The following INPP5A variants were observed in gnomAD, a reference collection of about 807,000 sequenced individuals.
INPP5A encodes the protein 43 kDa inositol polyphosphate 5-phophatase.
A neutral mutation model predicts 65.2 loss-of-function variants in INPP5A; 14 were observed. The observed-to-expected ratio is 0.21, with a 90% CI of 0.14 to 0.34. INPP5A has a LOEUF of 0.34. Among genes scored for constraint, INPP5A ranks in the 10% least tolerant of loss-of-function variants. INPP5A has a pLI of 1.00. For synonymous variants in INPP5A, 207 were observed against 208.3 expected (o/e 0.99, Z 0.05); for missense variants, 431 against 545.6 (o/e 0.79, Z 2.09).
chr10:132,571,851 G>A (rs1263828186), intron 1 of INPP5A, among the ~76,000 whole-genome samples: 1 of 152,204 alleles, frequency 6.6e-6, no homozygotes, highest in Non-Finnish European at 1.5e-5. Context: ...GCAGGTGGAG[G>A]GGGCAGGGTG....
chr10:132,760,663 C>T (rs754047983), intron 11 of INPP5A, among the ~76,000 whole-genome samples: 10 of 152,250 alleles, frequency 6.6e-5, no homozygotes, highest in Non-Finnish European at 1.5e-4. Flanking sequence ...GTGCCCATCT[C>T]TGGTACGGGG....
chr10:132,563,677 A>AGAAAG (rs1030246109), intron 1 of INPP5A, among the ~76,000 whole-genome samples: 1 of 152,068 alleles, frequency 6.6e-6, no homozygotes, highest in African/African-American at 2.4e-5. Flanking sequence ...AAGGAAAGAG[A>AGAAAG]GAAAGGAAAG....
chr10:132,667,335 T>G (rs954811786), intron 4 of INPP5A, among the ~76,000 whole-genome samples: 1 of 152,248 alleles, frequency 6.6e-6, no homozygotes, highest in Non-Finnish European at 1.5e-5. Context: ...GCCATTACTG[T>G]TGAAGCTCGT....
intron 7 of INPP5A, 56 bp from the exon 8 acceptor site, chr10:132,710,281 G>T: frequency 1.3e-6 from 2 of 1,590,160 alleles, no homozygotes; most frequent in South Asian, 2.3e-5. Flanking sequence ...GGAGAACGAA[G>T]TGTGACCCGG....
At chr10:132,684,483 T>A (rs1264582165) in intron 4 of INPP5A, among the ~76,000 whole-genome samples, 2 of 152,212 alleles carry the variant, frequency 1.3e-5, no homozygotes, top group African/African-American at 4.8e-5. Context: ...GATGTGTACA[T>A]ATGTGTGTGT....
rs1467997730 is a variant in INPP5A, at chr10:132,674,343, G to A, written c.307-16049G>A. 1.3e-5 allele frequency among the ~76,000 whole-genome samples: 2 copies of A among 152,228 alleles called. No individual in the cohort carries two copies. The highest frequency in any genetic ancestry group is 2.4e-5 in the African/African-American group (1 of 41,460). ...TTCCAAGCAGAGTGCACAAGCGGGTGCACTGCTTGAAGTTCTGCCCACTGG... is the reference window on the plus strand; with the variant it reads ...TTCCAAGCAGAGTGCACAAGCGGGTACACTGCTTGAAGTTCTGCCCACTGG... On this transcript the variant is annotated intron_variant, in intron 4 of 15. Coordinates refer to ENST00000368594, the MANE Select transcript of INPP5A (RefSeq NM_005539.5). This position sits in a 1 kb window ranked among gnomAD's most constrained non-coding sequence, Gnocchi z 4.4.
chr10:132,597,457 A>G (rs1490508087), intron 1 of INPP5A, among the ~76,000 whole-genome samples: 1 of 152,226 alleles, frequency 6.6e-6, no homozygotes, highest in Non-Finnish European at 1.5e-5. Context: ...GCTTACATTC[A>G]GTGGGATAAA....
chr10:132,745,930 G>T (rs556733704), intron 9 of INPP5A, among the ~76,000 whole-genome samples: 21 of 152,150 alleles, frequency 1.4e-4, no homozygotes, highest in Non-Finnish European at 2.8e-4. Flanking sequence ...AGGCGGGTGC[G>T]TGAGAGCTCC....
At chr10:132,778,151 G>A (rs1319920423) in intron 13 of INPP5A, among the ~76,000 whole-genome samples, 8 of 152,186 alleles carry the variant, frequency 5.3e-5, no homozygotes, top group Non-Finnish European at 1.5e-5. Flanking sequence ...GTGAAGCGCA[G>A]TAGAAATGTC....
intron 5 of INPP5A, among the ~76,000 whole-genome samples, chr10:132,694,723 G>A (rs1448675367): frequency 5.3e-5 from 8 of 152,116 alleles, no homozygotes; most frequent in Non-Finnish European, 1.0e-4. Context: ...CATTACTGCC[G>A]ATCCTGTGGA....
chr10:132,764,751 C>T (rs1298835386), intron 11 of INPP5A, among the ~76,000 whole-genome samples: 1 of 131,576 alleles, frequency 7.6e-6, no homozygotes, highest in East Asian at 2.3e-4. Flanking sequence ...CGGGCCAGTC[C>T]TGCTGCGGTG....
intron 1 of INPP5A, among the ~76,000 whole-genome samples, chr10:132,558,868 G>A (rs951471912): frequency 8.5e-5 from 13 of 152,226 alleles, no homozygotes; most frequent in East Asian, 1.9e-4. Context: ...GCAGCTGTGC[G>A]CTGCAGCCTC....
At chr10:132,540,126 C>T (rs1043080040) in intron 1 of INPP5A, among the ~76,000 whole-genome samples, 2 of 152,322 alleles carry the variant, frequency 1.3e-5, no homozygotes, top group Admixed American at 1.3e-4. Context: ...TTAGCTGCGG[C>T]TTCAAAGCCT....
At chr10:132,691,051 G>A (rs1021001481) in intron 5 of INPP5A, among the ~76,000 whole-genome samples, 16 of 152,178 alleles carry the variant, frequency 1.1e-4, no homozygotes, top group Admixed American at 9.8e-4. Context: ...AACCCCACGC[G>A]GCCTCCGGAG....
At position 132,663,674 on chromosome 10, in the gene INPP5A, C is replaced by T. The variant is rs1564954768; in HGVS notation, c.306+13169C>T. On this transcript the variant is annotated intron_variant, in intron 4 of 15. Coordinates refer to ENST00000368594, the MANE Select transcript of INPP5A (RefSeq NM_005539.5). The surrounding 1 kb of genome is among the most constrained non-coding windows in gnomAD (Gnocchi z 4.5). Reference sequence around the variant, plus strand: ...CTAGCTTCTGGCTGGGGTTGGTTTGCAGTGGAGTCTGTGCCTGTGGCAGCC... The same window carrying T: ...CTAGCTTCTGGCTGGGGTTGGTTTGTAGTGGAGTCTGTGCCTGTGGCAGCC... Among the ~76,000 whole-genome samples the T allele has an allele frequency of 6.6e-6, 1 of 152,234 alleles. No homozygotes were observed. Among genetic ancestry groups the T allele is most frequent in the Non-Finnish European group, 1.5e-5 (1 of 68,054 alleles).
At chr10:132,718,186 G>A (rs555721626) in intron 8 of INPP5A, among the ~76,000 whole-genome samples, 45 of 137,576 alleles carry the variant, frequency 3.3e-4, no homozygotes, top group South Asian at 7.5e-4. Flanking sequence ...CTGTCTGGGC[G>A]CCTTAGACGG....
intron 4 of INPP5A, among the ~76,000 whole-genome samples, chr10:132,683,200 TATC>T (rs1218760645): frequency 3.3e-5 from 5 of 149,360 alleles, no homozygotes; most frequent in Admixed American, 2.7e-4. Context: ...GTACACGTAT[TATC>T]CTATGTGGAG....
chr10:132,671,651 G>C (rs1399510138), intron 4 of INPP5A, among the ~76,000 whole-genome samples: 1 of 152,236 alleles, frequency 6.6e-6, no homozygotes, highest in East Asian at 1.9e-4. Context: ...ACAGGAAGCA[G>C]CACCAACACC....
intron 5 of INPP5A, among the ~76,000 whole-genome samples, chr10:132,692,088 G>A (rs1845278172): frequency 6.6e-6 from 1 of 152,146 alleles, no homozygotes; most frequent in Non-Finnish European, 1.5e-5. Flanking sequence ...GTCAGGCTCG[G>A]GGGTCAGGCT....
Sources: allele counts gnomAD v4.1 joint callset (sites outside exome capture counted in the v4.1 genomes callset), GRCh38; gene constraint gnomAD v4.1.1; non-coding constraint Gnocchi (gnomAD v3.1); transcripts MANE v1.5; gene names NCBI Gene and HGNC (gene_info 2026-07-23, HGNC 2026-07-21).